ABHD6: variants seen among roughly 807,000 people sequenced by gnomAD.
ABHD6 encodes monoacylglycerol lipase ABHD6.
ABHD6 carries 33 observed loss-of-function variants against 38.8 expected under a neutral mutation model. The observed-to-expected ratio is 0.85, with a 90% CI of 0.64 to 1.14. The LOEUF is 1.14. Ranked by LOEUF, ABHD6 falls within the 50% of genes most tolerant of loss-of-function variation. ABHD6 has a pLI of 0.00. For missense variants in ABHD6, 380 were observed against 422.6 expected (o/e 0.90, Z 0.88); for synonymous variants, 147 against 161.6 (o/e 0.91, Z 0.69).
At chr3:58,240,640 C>G (rs1413861873) in intron 1 of ABHD6, among the ~76,000 whole-genome samples, 1 of 151,862 alleles carries the variant, frequency 6.6e-6, no homozygotes, top group Non-Finnish European at 1.5e-5. Context: ...TCTTAGCTCA[C>G]TGTAACTTTG....
chr3:58,238,960 C>T lies in ABHD6; in HGVS notation c.-91+1044C>T, dbSNP rs750791432. Among the ~76,000 whole-genome samples the T allele has an allele frequency of 4.6e-5, 7 of 152,160 alleles. No homozygotes were observed. Among genetic ancestry groups the T allele is most frequent in the African/African-American group, 7.2e-5 (3 of 41,514 alleles). On this transcript the variant is annotated intron_variant, in intron 1 of 9. Coordinates refer to ENST00000478253, the MANE Select transcript of ABHD6 (RefSeq NM_001320126.2). The surrounding 1 kb of genome is among the most constrained non-coding windows in gnomAD (Gnocchi z 6.9). ...CTTGTGTGCCAGGCCCTGTCCTAAG[C>T]CCCTTAAAAGAATTACCTGCCATAC... is the stretch of plus-strand genomic sequence containing the variant.
At chr3:58,282,791 G>C (rs955631978) in intron 7 of ABHD6, among the ~76,000 whole-genome samples, 10 of 152,092 alleles carry the variant, frequency 6.6e-5, no homozygotes, top group Non-Finnish European at 1.5e-4. Context: ...GAGTAGAAGG[G>C]CAGGCTTGGG....
intron 4 of ABHD6, among the ~76,000 whole-genome samples, chr3:58,268,647 C>T (rs1195634689): frequency 6.6e-6 from 1 of 152,186 alleles, no homozygotes; most frequent in Non-Finnish European, 1.5e-5. Flanking sequence ...TTTCCAAATT[C>T]CACTATGAGG....
chr3:58,251,679 G>T lies in ABHD6; in HGVS notation c.-26+1737G>T, dbSNP rs1453704507. The stretch of plus-strand genomic sequence containing the variant: ...CAGTGGCAGAGGATCCTGAGCCTGG[G>T]ATGTGAGAGTATGTTTTCCCTGGTG... On this transcript the variant is annotated intron_variant, in intron 2 of 9. Transcript: ENST00000478253. This position sits in a 1 kb window ranked among gnomAD's most constrained non-coding sequence, Gnocchi z 5.4. Among the ~76,000 whole-genome samples the T allele has an allele frequency of 6.6e-6, 1 of 152,182 alleles. No homozygotes were observed. Among genetic ancestry groups the T allele is most frequent in the Non-Finnish European group, 1.5e-5 (1 of 68,026 alleles).
intron 1 of ABHD6, among the ~76,000 whole-genome samples, chr3:58,243,693 C>G (rs1460734086): frequency 1.3e-5 from 2 of 151,722 alleles, no homozygotes; most frequent in Non-Finnish European, 1.5e-5. Flanking sequence ...CAGAGTCTCA[C>G]TCTGTTGCCC....
At chr3:58,272,935 C>T (rs1279208694) in intron 6 of ABHD6, among the ~76,000 whole-genome samples, 1 of 152,126 alleles carries the variant, frequency 6.6e-6, no homozygotes, top group Non-Finnish European at 1.5e-5. Flanking sequence ...CACATTACCA[C>T]AGTAAATTTT....
intron 7 of ABHD6, among the ~76,000 whole-genome samples, chr3:58,283,422 G>A (rs920211991): frequency 6.6e-5 from 10 of 152,198 alleles, no homozygotes; most frequent in East Asian, 1.9e-4. Flanking sequence ...GTGATTGCAC[G>A]TCTGTGTCTT....
At chr3:58,239,575 A>G (rs2097421417) in intron 1 of ABHD6, among the ~76,000 whole-genome samples, 1 of 152,102 alleles carries the variant, frequency 6.6e-6, no homozygotes, top group East Asian at 1.9e-4. Flanking sequence ...CGTCAACTCC[A>G]AATTATCCAT....
chr3:58,288,208 G>C (rs1559784938), intron 9 of ABHD6, among the ~76,000 whole-genome samples: 1 of 152,158 alleles, frequency 6.6e-6, no homozygotes, highest in East Asian at 1.9e-4. Flanking sequence ...CTCTTTTCCT[G>C]CTCTGTCATC....
At chr3:58,244,826 C>T (rs898566649) in intron 1 of ABHD6, among the ~76,000 whole-genome samples, 1 of 151,790 alleles carries the variant, frequency 6.6e-6, no homozygotes. Context: ...TTTACTATTG[C>T]TTTTAAAATA....
In ABHD6 at chr3:58,287,083, C is replaced by A. The variant is rs1283388245; in HGVS notation, c.837+1630C>A. On this transcript the variant is annotated intron_variant, in intron 9 of 9. Coordinates refer to ENST00000478253, the MANE Select transcript of ABHD6 (RefSeq NM_001320126.2). This position sits in a 1 kb window ranked among gnomAD's most constrained non-coding sequence, Gnocchi z 4.7. ...CTTGAGCCCAGGAGTTTGAGACCAA[C>A]CTGGGCAGCATAGTGAGATCCCATC... Among the ~76,000 whole-genome samples the A allele has an allele frequency of 6.6e-6, 1 of 150,762 alleles. No individual in the cohort carries two copies. The highest frequency in any genetic ancestry group is 6.6e-5 in the Admixed American group (1 of 15,118).
intron 4 of ABHD6, among the ~76,000 whole-genome samples, chr3:58,268,502 GTTGGGGCTGGCAGAAGTC>G (rs1188118761): frequency 6.6e-6 from 1 of 152,198 alleles, no homozygotes; most frequent in African/African-American, 2.4e-5. Context: ...AGGTGTGAAG[GTTGGGGCTGGCAGAAGTC>G]TTGGGCAGGA....
At chr3:58,291,976 G>A (rs1486203375) in intron 9 of ABHD6, among the ~76,000 whole-genome samples, 2 of 152,210 alleles carry the variant, frequency 1.3e-5, no homozygotes, top group Non-Finnish European at 2.9e-5. Context: ...ACACTCAGTT[G>A]GGAGTTTCCA....
Position 58,247,039 on chromosome 3 carries a change from C to CTT in ABHD6, c.-90-2825_-90-2824dup, listed in dbSNP as rs11341432. On this transcript the variant is annotated intron_variant, in intron 1 of 9. Transcript: ENST00000478253. ...TATTTGGTTGCCGTCTCTAATGGGC[C>CTT]TTTTTTTTTTTTTTTGAGACAGAGC... Among the ~76,000 whole-genome samples, 84 of 138,852 alleles carry CTT rather than the reference C, an allele frequency of 6.0e-4. 2 individuals carry two copies. The highest frequency in any genetic ancestry group is 3.6e-3 in the Middle Eastern group (1 of 276). 91.1% of individuals were successfully genotyped at this position (138,852 alleles called of 152,430 possible). A position where few individuals can be genotyped will look rare whatever the true frequency, so the allele number is the denominator to read the frequency against.
rs1346968816 is a variant in ABHD6 at position 58,285,711 on chromosome 3, C to T, written c.837+258C>T. Among the ~76,000 whole-genome samples, 6 of 152,174 alleles carry T rather than the reference C, an allele frequency of 3.9e-5. No homozygotes were observed. The highest frequency in any genetic ancestry group is 5.9e-5 in the Non-Finnish European group (4 of 68,032). On this transcript the variant is annotated intron_variant, in intron 9 of 9. Transcript: ENST00000478253. The surrounding 1 kb of genome is among the most constrained non-coding windows in gnomAD (Gnocchi z 4.9). Reference sequence around the variant, plus strand: ...ATTGTTTTTATCAAAGCCATGTAGTCACATGGTATAAAAAGATCTTCAAAG... The same window carrying T: ...ATTGTTTTTATCAAAGCCATGTAGTTACATGGTATAAAAAGATCTTCAAAG...
intron 6 of ABHD6, among the ~76,000 whole-genome samples, chr3:58,274,232 C>T (rs1037427960): frequency 1.3e-4 from 20 of 152,182 alleles, no homozygotes; most frequent in South Asian, 4.1e-4. Context: ...TGTTTTCTTC[C>T]GGTCATGTAT....
Position 58,293,757 on chromosome 3 carries a change from C to A in ABHD6, c.1006C>A (p.Leu336Met), listed in dbSNP as rs1260728256. ...GCACAACACAGACAACAACAAGAAG[C>A]TGGACTGAGGCCCCGACTGCAGCCT... ...SVHNTDNNKK[L>M]D The change falls in exon 10 of 10, where the codon CTG becomes ATG. Residue 336 changes from leucine to methionine, a missense_variant. Transcript: ENST00000478253. The surrounding 1 kb of genome is among the most constrained non-coding windows in gnomAD (Gnocchi z 4.4). 6.2e-7 allele frequency: 1 copy of A among 1,614,034 alleles called. No individual in the cohort carries two copies. Among genetic ancestry groups the A allele is most frequent in the East Asian group, 2.2e-5 (1 of 44,876 alleles).
At chr3:58,262,326 C>G (rs1201101699) in intron 3 of ABHD6, among the ~76,000 whole-genome samples, 1 of 152,128 alleles carries the variant, frequency 6.6e-6, no homozygotes, top group Non-Finnish European at 1.5e-5. Context: ...TATGTTATGT[C>G]TGTTTTACCA....
Position 58,293,768 on chromosome 3 carries a change from C to G in ABHD6, c.*3C>G, listed in dbSNP as rs1469221321. 6 of 1,613,218 alleles carry G rather than the reference C, an allele frequency of 3.7e-6. No individual in the cohort carries two copies. Among genetic ancestry groups the G allele is most frequent in the Non-Finnish European group, 5.1e-6 (6 of 1,179,466 alleles). Reference sequence around the variant, plus strand: ...ACAACAACAAGAAGCTGGACTGAGGCCCCGACTGCAGCCTGCATTCTGCAC... The same window carrying G: ...ACAACAACAAGAAGCTGGACTGAGGGCCCGACTGCAGCCTGCATTCTGCAC... On this transcript the variant is annotated 3_prime_UTR_variant, in exon 10 of 10. Transcript: ENST00000478253. The surrounding 1 kb of genome is among the most constrained non-coding windows in gnomAD (Gnocchi z 4.4).
Sources: allele counts gnomAD v4.1 joint callset (sites outside exome capture counted in the v4.1 genomes callset), GRCh38; gene constraint gnomAD v4.1.1; non-coding constraint Gnocchi (gnomAD v3.1); transcripts MANE v1.5; gene names NCBI Gene and HGNC (gene_info 2026-07-23, HGNC 2026-07-21).